Variants in PCDHGA8 observed in about 807,000 individuals in gnomAD.
PCDHGA8 encodes protocadherin gamma-A8.
PCDHGA8 carries 45 observed loss-of-function variants against 59.2 expected under a neutral mutation model. The observed-to-expected ratio is 0.76, with a 90% confidence interval of 0.60 to 0.98. The LOEUF (loss-of-function observed/expected upper bound fraction) is 0.98, where lower values mean the gene tolerates loss of function less well. Ranked by LOEUF, PCDHGA8 falls within the 50% of genes least tolerant of loss-of-function variation. The pLI, the probability that PCDHGA8 is intolerant of heterozygous loss-of-function variation, is 0.00. For synonymous variants in PCDHGA8, 531 were observed against 519.0 expected, an observed-to-expected ratio of 1.02 and a Z score of -0.32; for missense variants, 1,257 against 1,196.2, an observed-to-expected ratio of 1.05 and a Z score of -0.75.
chr5:141,466,415 C>T (rs995296505), intron 1 of PCDHGA8, among the ~76,000 whole-genome samples: 6 of 152,136 alleles, frequency 3.9e-5, no homozygotes, highest in Non-Finnish European at 8.8e-5. Context: ...ATTTTTCAGT[C>T]AGAATTGTGT....
At chr5:141,423,874 A>T (rs1264795133) in intron 1 of PCDHGA8, 2 of 1,283,268 alleles carry the variant, frequency 1.6e-6, no homozygotes, top group African/African-American at 3.1e-5. Flanking sequence ...GTCATTTTTC[A>T]ATCTTGGCAT....
intron 1 of PCDHGA8, among the ~76,000 whole-genome samples, chr5:141,482,274 G>A (rs1219523359): frequency 6.6e-6 from 1 of 152,094 alleles, no homozygotes; most frequent in Non-Finnish European, 1.5e-5. Flanking sequence ...TTTAGCTTAG[G>A]TAAGTCTTTT....
At chr5:141,492,500 C>G (rs2099741252) in intron 1 of PCDHGA8, among the ~76,000 whole-genome samples, 1 of 152,322 alleles carries the variant, frequency 6.6e-6, no homozygotes, top group South Asian at 2.1e-4. Flanking sequence ...GCGAGGACTC[C>G]GGAGCCTCCT....
chr5:141,432,428 G>C lies in PCDHGA8; in HGVS notation c.2424+37191G>C. 6.2e-7 allele frequency: 1 copy of C among 1,614,232 alleles called. No homozygotes were observed. On this transcript the variant is annotated intron_variant, in intron 1 of 3. Coordinates refer to ENST00000398604, the MANE Select transcript of PCDHGA8 (RefSeq NM_032088.2). The surrounding 1 kb of genome is among the most constrained non-coding windows in gnomAD (Gnocchi z 6.0). ...GAGCCTGTTCGTGCTGGACCAGAAC[G>C]ACAATGCGCCCGAGATCCTGTACCC...
chr5:141,432,945 G>A lies in PCDHGA8; in HGVS notation c.2424+37708G>A, dbSNP rs761055026. On this transcript the variant is annotated intron_variant, in intron 1 of 3. Transcript: ENST00000398604. This position sits in a 1 kb window ranked among gnomAD's most constrained non-coding sequence, Gnocchi z 6.0. ...AAGTCACGCCTGCTGCAGGCTTCAGGAGGCGGCTTGACAGGAGCGCCGGCG... is the reference window on the plus strand; with the variant it reads ...AAGTCACGCCTGCTGCAGGCTTCAGAAGGCGGCTTGACAGGAGCGCCGGCG... 3 of 1,614,218 alleles carry A rather than the reference G, an allele frequency of 1.9e-6. No individual in the cohort carries two copies. The highest frequency in any genetic ancestry group is 2.5e-6 in the Non-Finnish European group (3 of 1,180,058).
At chr5:141,463,803 A>G (rs975202568) in intron 1 of PCDHGA8, among the ~76,000 whole-genome samples, 1 of 152,150 alleles carries the variant, frequency 6.6e-6, no homozygotes, top group Non-Finnish European at 1.5e-5. Flanking sequence ...AATGTCTAAA[A>G]GCTTTTATCA....
At chr5:141,460,425 G>A (rs953425058) in intron 1 of PCDHGA8, among the ~76,000 whole-genome samples, 3 of 152,114 alleles carry the variant, frequency 2.0e-5, no homozygotes. Flanking sequence ...TATGTATGGT[G>A]TATGGTGTGA....
intron 1 of PCDHGA8, among the ~76,000 whole-genome samples, chr5:141,453,121 G>A (rs62379169): frequency 4.7e-4 from 71 of 151,818 alleles, no homozygotes; most frequent in Non-Finnish European, 8.4e-4. Flanking sequence ...GTTTTGTTTT[G>A]TTTTGTTTTT....
intron 1 of PCDHGA8, chr5:141,410,258 G>T: frequency 6.2e-7 from 1 of 1,614,022 alleles, no homozygotes; most frequent in Non-Finnish European, 8.5e-7. Flanking sequence ...TGACCCCCAG[G>T]CTGAACTGCA....
At chr5:141,464,748 T>C (rs995568259) in intron 1 of PCDHGA8, among the ~76,000 whole-genome samples, 2 of 152,190 alleles carry the variant, frequency 1.3e-5, no homozygotes, top group Admixed American at 1.3e-4. Context: ...TATCTTTTTG[T>C]TTTTTTAGAG....
intron 1 of PCDHGA8, chr5:141,419,315 C>G (rs2096357855): frequency 1.2e-6 from 2 of 1,613,998 alleles, no homozygotes; most frequent in Non-Finnish European, 1.7e-6. Flanking sequence ...GCTCAACGGC[C>G]GTGTCTCCTA....
chr5:141,506,216 T>A (rs2237080), intron 3 of PCDHGA8, among the ~76,000 whole-genome samples: 78,167 of 151,604 alleles, frequency 0.52, 20,820 homozygotes, highest in African/African-American at 0.63. Flanking sequence ...TTTGGGAAGC[T>A]GAGGCAGGAG....
Position 141,474,743 on chromosome 5 carries a change from T to A in PCDHGA8, c.2425-20064T>A, listed in dbSNP as rs113053006. Among the ~76,000 whole-genome samples the A allele has an allele frequency of 4.0e-3, 610 of 152,354 alleles. 8 individuals carry two copies. The highest frequency in any genetic ancestry group is 0.014 in the African/African-American group (593 of 41,580). On this transcript the variant is annotated intron_variant, in intron 1 of 3. Transcript: ENST00000398604. ...AGGACTCTATGCAATCAAAGTGATG[T>A]CCAAGACAAATATACAGAAATAGTA...
intron 1 of PCDHGA8, chr5:141,405,129 G>C: frequency 6.2e-7 from 1 of 1,613,964 alleles, no homozygotes. Flanking sequence ...CATCTGCTGC[G>C]GGCTACCAGT....
chr5:141,441,057 A>T (rs2098222263), intron 1 of PCDHGA8: 2 of 152,152 alleles, frequency 1.3e-5, no homozygotes, highest in South Asian at 4.1e-4. Flanking sequence ...ACTTTTAAAG[A>T]TTTTTAATTT....
chr5:141,416,178 C>G (rs1392436592), intron 1 of PCDHGA8: 3 of 152,408 alleles, frequency 2.0e-5, no homozygotes, highest in African/African-American at 2.4e-5. Context: ...CTAAGTTTTT[C>G]ATTAATATTG....
chr5:141,454,587 G>A (rs1000852095), intron 1 of PCDHGA8, among the ~76,000 whole-genome samples: 22 of 150,902 alleles, frequency 1.5e-4, no homozygotes, highest in African/African-American at 5.4e-4. Context: ...TGTATTTTTA[G>A]TAGAGACAGG....
chr5:141,399,753 G>A (rs1418820057), intron 1 of PCDHGA8: 6 of 1,613,252 alleles, frequency 3.7e-6, no homozygotes, highest in Middle Eastern at 1.7e-4. Flanking sequence ...GCGCAAACGT[G>A]AGCCTGCGCG....
At chr5:141,416,387 A>T (rs1229066765) in intron 1 of PCDHGA8, 1 of 152,190 alleles carries the variant, frequency 6.6e-6, no homozygotes, top group Admixed American at 6.5e-5. Context: ...AATATTTGGG[A>T]TTCTGCTTTT....
Sources: gnomAD v4.1 joint callset for allele counts (sites outside exome capture counted in the v4.1 genomes callset) on GRCh38, gnomAD v4.1.1 for gene constraint, Gnocchi (gnomAD v3.1) non-coding constraint, MANE v1.5 for transcripts, NCBI Gene and HGNC (gene_info 2026-07-23, HGNC 2026-07-21) for gene names.